The following UTRN variants were observed in gnomAD, a reference collection of about 807,000 sequenced individuals.
UTRN encodes the protein dystrophin-related protein 1.
Under a neutral mutation model 463.9 loss-of-function variants are expected in UTRN, and 283 were observed. The observed-to-expected ratio is 0.61, with a 90% CI of 0.55 to 0.67. UTRN has a LOEUF of 0.67. Among genes scored for constraint, UTRN ranks in the 30% least tolerant of loss-of-function variants. UTRN has a pLI of 0.00. For synonymous variants in UTRN, 1,442 were observed against 1,431.5 expected, an observed-to-expected ratio of 1.01 and a Z score of -0.17; for missense variants, 3,922 against 4,084.3, an observed-to-expected ratio of 0.96 and a Z score of 1.08.
chr6:144,480,087 C>T (rs1791689349), intron 26 of UTRN, 105 bp downstream of exon 26: 2 of 1,286,616 alleles, frequency 1.6e-6, no homozygotes, highest in African/African-American at 3.0e-5. Context: ...GTGCATGTAG[C>T]ATCTTTCACA....
chr6:144,553,212 AT>A (rs1263209907), intron 48 of UTRN, among the ~76,000 whole-genome samples: 2 of 151,910 alleles, frequency 1.3e-5, no homozygotes, highest in African/African-American at 4.8e-5. Flanking sequence ...TAATTTTTAT[AT>A]TTTTAGTAGA....
At chr6:144,577,924 G>A (rs534077591) in intron 51 of UTRN, among the ~76,000 whole-genome samples, 5 of 152,114 alleles carry the variant, frequency 3.3e-5, no homozygotes, top group Admixed American at 6.5e-5. Context: ...TGATTCATGC[G>A]GAGTGTGGTG....
At chr6:144,745,266 A>G (rs1045727857) in intron 54 of UTRN, among the ~76,000 whole-genome samples, 15 of 151,890 alleles carry the variant, frequency 9.9e-5, no homozygotes, top group Non-Finnish European at 1.9e-4. Flanking sequence ...AGAATGCAAT[A>G]ATTTCCCTTT....
chr6:144,354,178 A>T (rs1323531270), intron 2 of UTRN, among the ~76,000 whole-genome samples: 1 of 152,290 alleles, frequency 6.6e-6, no homozygotes, highest in South Asian at 2.1e-4. Context: ...TAAATGAGAA[A>T]GGCAGTGGGT....
chr6:144,731,795 C>T (rs960515025), intron 54 of UTRN, among the ~76,000 whole-genome samples: 2 of 152,154 alleles, frequency 1.3e-5, no homozygotes, highest in African/African-American at 4.8e-5. Flanking sequence ...AAAGCTAAGT[C>T]ATTGTTGAGT....
At chr6:144,806,431 A>C (rs1418010444) in intron 65 of UTRN, among the ~76,000 whole-genome samples, 1 of 152,188 alleles carries the variant, frequency 6.6e-6, no homozygotes, top group Non-Finnish European at 1.5e-5. Flanking sequence ...CCTACTTATA[A>C]ATCATCTGTA....
chr6:144,398,228 GT>G, intron 2 of UTRN: 1 of 264,324 alleles, frequency 3.8e-6, no homozygotes, highest in Non-Finnish European at 7.7e-6. Flanking sequence ...TGTGCTGTAG[GT>G]TTTTCCAGGA....
Position 144,835,891 on chromosome 6 carries a change from A to T in UTRN, c.9777A>T (p.Glu3259Asp). The part of the protein sequence containing the change: ...AQILKSVERE[E>D]RGELERIIAD... ...TCCTGAAGTCAGTAGAGAGGGAAGA[A>T]CGTGGAGAACTGGAGAGGATCATTG... Residue 3259 changes from glutamate (E) to aspartate (D), a missense_variant, in exon 70 of 75, where the codon GAA (glutamate) becomes GAT (aspartate). Around this residue, in one of 3 missense-constraint regions of UTRN, gnomAD observed 1,309 missense variants for 1,452.6 expected, o/e 0.90. Coordinates refer to ENST00000367545, the MANE Select transcript of UTRN (RefSeq NM_007124.3). 1 of 1,614,130 alleles carries T rather than the reference A, an allele frequency of 6.2e-7. No individual in the cohort carries two copies. Among genetic ancestry groups the T allele is most frequent in the South Asian group, 1.1e-5 (1 of 91,086 alleles).
intron 27 of UTRN, among the ~76,000 whole-genome samples, chr6:144,483,276 G>C (rs564717094): frequency 5.3e-5 from 8 of 152,282 alleles, no homozygotes; most frequent in African/African-American, 1.4e-4. Context: ...GGATCTGTCT[G>C]CTTCTTGGAA....
chr6:144,612,240 C>G (rs1380139841), intron 51 of UTRN, among the ~76,000 whole-genome samples: 1 of 152,094 alleles, frequency 6.6e-6, no homozygotes, highest in Non-Finnish European at 1.5e-5. Flanking sequence ...GGATTAAAGA[C>G]TTAAATATAA....
intron 30 of UTRN, among the ~76,000 whole-genome samples, chr6:144,489,359 G>A (rs1384198179): frequency 6.6e-6 from 1 of 152,060 alleles, no homozygotes; most frequent in Non-Finnish European, 1.5e-5. Context: ...ATATTGTCCA[G>A]GCTAGTCTCA....
intron 7 of UTRN, among the ~76,000 whole-genome samples, chr6:144,427,272 G>A (rs1361364390): frequency 2.0e-5 from 3 of 151,992 alleles, no homozygotes; most frequent in Non-Finnish European, 2.9e-5. Context: ...CATGGATCAG[G>A]GATTTAAATG....
intron 51 of UTRN, among the ~76,000 whole-genome samples, chr6:144,581,973 G>A (rs539170592): frequency 1.3e-5 from 2 of 152,224 alleles, no homozygotes; most frequent in African/African-American, 4.8e-5. Context: ...ACACAGATAT[G>A]GTGACATTGT....
chr6:144,825,985 C>T (rs746895201), intron 66 of UTRN, among the ~76,000 whole-genome samples: 2 of 111,676 alleles, frequency 1.8e-5, no homozygotes, highest in South Asian at 5.8e-4. Flanking sequence ...CATCACACAC[C>T]GGAGACTGTT....
intron 23 of UTRN, among the ~76,000 whole-genome samples, chr6:144,471,166 T>A (rs1173929501): frequency 1.3e-5 from 2 of 151,204 alleles, no homozygotes; most frequent in Non-Finnish European, 2.9e-5. Flanking sequence ...AAGGAACAGA[T>A]ACATGTGAAT....
intron 2 of UTRN, among the ~76,000 whole-genome samples, chr6:144,346,484 T>C (rs1032077765): frequency 1.3e-5 from 2 of 152,170 alleles, no homozygotes; most frequent in African/African-American, 4.8e-5. Context: ...GTAGGCTCTT[T>C]AGTCATCTTG....
chr6:144,493,165 T>A, intron 32 of UTRN, 136 bp from the exon 33 acceptor site: 2 of 721,638 alleles, frequency 2.8e-6, no homozygotes, highest in African/African-American at 1.8e-5. Flanking sequence ...AGACCAAATC[T>A]GAGAAAGATG....
rs1791647166 is a variant in UTRN, at chr6:144,479,697, A to G, written c.3337-115A>G. 4.1e-6 allele frequency: 5 copies of G among 1,214,466 alleles called. No individual in the cohort carries two copies. The Admixed American group carries it at 9.9e-5, about 24-fold the overall frequency. 75.2% of individuals were successfully genotyped at this position (1,214,466 alleles called of 1,614,324 possible). A position where few individuals can be genotyped will look rare whatever the true frequency, so the allele number is the denominator to read the frequency against. The stretch of plus-strand genomic sequence containing the variant: ...TGTATGAGATTTTATCTGAATTTTA[A>G]AGCATGCAATTCGTTGTGGAAAGTT... On this transcript the variant is annotated intron_variant, in intron 25 of 74. Transcript: ENST00000367545.
chr6:144,548,612 T>A (rs1798625854), intron 46 of UTRN, 28 bp from the exon 47 acceptor site: 1 of 1,597,872 alleles, frequency 6.3e-7, no homozygotes, highest in Non-Finnish European at 8.6e-7. Context: ...GTTGATTAAT[T>A]TCTCTTTTGC....
Sources: allele counts gnomAD v4.1 joint callset (sites outside exome capture counted in the v4.1 genomes callset), GRCh38; gene constraint gnomAD v4.1.1; regional missense constraint gnomAD v4.1.1; transcripts MANE v1.5; gene names NCBI Gene and HGNC (gene_info 2026-07-23, HGNC 2026-07-21).